The following CNTNAP5 variants were observed in gnomAD, a reference collection of about 807,000 sequenced individuals.
CNTNAP5 encodes contactin associated protein family member 5.
Under a neutral mutation model 150.2 loss-of-function variants are expected in CNTNAP5, and 72 were observed. The ratio of observed to expected loss-of-function variants is 0.48; its 90% CI spans 0.40 to 0.58. The LOEUF (loss-of-function observed/expected upper bound fraction) is 0.58, where lower values mean the gene tolerates loss of function less well. Ranked by LOEUF, CNTNAP5 falls within the 20% of genes least tolerant of loss-of-function variation. The pLI, the probability that CNTNAP5 is intolerant of heterozygous loss-of-function variation, is 0.00. For synonymous variants in CNTNAP5, 672 were observed against 619.8 expected (o/e 1.08, Z -1.25); for missense variants, 1,636 against 1,626.2 (o/e 1.01, Z -0.10).
At chr2:124,059,116 C>A (rs997555539) in intron 1 of CNTNAP5, among the ~76,000 whole-genome samples, 1 of 151,960 alleles carries the variant, frequency 6.6e-6, no homozygotes, top group Non-Finnish European at 1.5e-5. Context: ...TATTTTAAGT[C>A]CTAGACGTAA....
chr2:124,341,100 T>TA (rs1022451337), intron 3 of CNTNAP5, among the ~76,000 whole-genome samples: 1 of 151,268 alleles, frequency 6.6e-6, no homozygotes, highest in African/African-American at 2.4e-5. Context: ...AAAGAATCCA[T>TA]AAAAAGTCTG....
At chr2:124,556,977 C>A in intron 10 of CNTNAP5, among the ~76,000 whole-genome samples, 1 of 150,286 alleles carries the variant, frequency 6.7e-6, no homozygotes. Flanking sequence ...AAGATTTTAT[C>A]AGGAATGCTA....
At chr2:124,876,523 G>A (rs1677864302) in intron 21 of CNTNAP5, among the ~76,000 whole-genome samples, 1 of 151,830 alleles carries the variant, frequency 6.6e-6, no homozygotes, top group Admixed American at 6.6e-5. Flanking sequence ...TTTGGGGAAA[G>A]GATTGTGCCG....
chr2:124,708,437 G>C (rs17393237), intron 13 of CNTNAP5, among the ~76,000 whole-genome samples: 24,744 of 152,182 alleles, frequency 0.16, 2,286 homozygotes, highest in East Asian at 0.24. Flanking sequence ...TGATCTCGCT[G>C]TCATCTCCAT....
intron 2 of CNTNAP5, among the ~76,000 whole-genome samples, chr2:124,232,083 A>G (rs1035005777): frequency 2.6e-5 from 4 of 152,252 alleles, no homozygotes; most frequent in Admixed American, 6.5e-5. Flanking sequence ...CATGAAATGC[A>G]GTAAACCATC....
At chr2:124,873,755 T>C (rs1007257857) in intron 21 of CNTNAP5, among the ~76,000 whole-genome samples, 9 of 152,116 alleles carry the variant, frequency 5.9e-5, no homozygotes, top group Admixed American at 5.2e-4. Flanking sequence ...TTCACAATTT[T>C]AGAAAAGATT....
intron 1 of CNTNAP5, among the ~76,000 whole-genome samples, chr2:124,171,936 A>G (rs551968108): frequency 7.7e-4 from 118 of 152,318 alleles, no homozygotes; most frequent in Non-Finnish European, 1.1e-3. Context: ...AAGGCTGGCC[A>G]TAGGACCTAC....
chr2:124,259,438 C>G lies in CNTNAP5; in HGVS notation c.381+17045C>G, dbSNP rs1687397219. Among the ~76,000 whole-genome samples the G allele has an allele frequency of 6.6e-5, 10 of 152,172 alleles. No homozygotes were observed. The South Asian group carries it at 1.9e-3, about 28-fold the overall frequency. On this transcript the variant is annotated intron_variant, in intron 3 of 23. Coordinates refer to ENST00000682447, the MANE Select transcript of CNTNAP5 (RefSeq NM_001367498.1). The stretch of plus-strand genomic sequence containing the variant: ...GATCCCTGGGGAATTGCCACACTGA[C>G]TTCCACAATGGTTGAAGTAGTTTAC...
intron 19 of CNTNAP5, among the ~76,000 whole-genome samples, chr2:124,853,451 G>A (rs1677271367): frequency 6.6e-6 from 1 of 152,112 alleles, no homozygotes; most frequent in Non-Finnish European, 1.5e-5. Flanking sequence ...AAAATGATGA[G>A]GTTGGTTGTG....
At chr2:124,194,248 G>A (rs1427104833) in intron 1 of CNTNAP5, among the ~76,000 whole-genome samples, 1 of 151,284 alleles carries the variant, frequency 6.6e-6, no homozygotes, top group East Asian at 1.9e-4. Context: ...CTCCCCAAAT[G>A]ACTTGGCTAT....
intron 19 of CNTNAP5, among the ~76,000 whole-genome samples, chr2:124,840,585 T>C (rs1320316026): frequency 6.6e-6 from 1 of 152,050 alleles, no homozygotes; most frequent in Non-Finnish European, 1.5e-5. Flanking sequence ...ACAGGTGGAC[T>C]CAGAGGCAGA....
At chr2:124,811,696 C>T (rs1029594187) in intron 19 of CNTNAP5, among the ~76,000 whole-genome samples, 2 of 72,282 alleles carry the variant, frequency 2.8e-5, no homozygotes, top group Non-Finnish European at 5.1e-5. Flanking sequence ...AATCCCATCA[C>T]TTTAGGAGGC....
intron 1 of CNTNAP5, among the ~76,000 whole-genome samples, chr2:124,180,730 A>G (rs866394114): frequency 6.6e-6 from 1 of 152,222 alleles, no homozygotes; most frequent in Non-Finnish European, 1.5e-5. Flanking sequence ...ATAGTTAGGA[A>G]ATCTTTCCAC....
chr2:124,791,496 C>A (rs1346369238), intron 18 of CNTNAP5, among the ~76,000 whole-genome samples: 1 of 152,084 alleles, frequency 6.6e-6, no homozygotes, highest in Non-Finnish European at 1.5e-5. Context: ...TCCCTTTGAG[C>A]CATCCCACAT....
At chr2:124,783,554 T>C (rs1681499156) in intron 17 of CNTNAP5, among the ~76,000 whole-genome samples, 1 of 152,168 alleles carries the variant, frequency 6.6e-6, no homozygotes, top group African/African-American at 2.4e-5. Flanking sequence ...ATTGATGAAT[T>C]ATTATTCACA....
chr2:124,056,604 C>A (rs1431428247), intron 1 of CNTNAP5, among the ~76,000 whole-genome samples: 1 of 152,162 alleles, frequency 6.6e-6, no homozygotes, highest in Non-Finnish European at 1.5e-5. Context: ...CGAGATCATG[C>A]CACTGCACTC....
chr2:124,131,945 G>A (rs1459106591), intron 1 of CNTNAP5, among the ~76,000 whole-genome samples: 2 of 152,116 alleles, frequency 1.3e-5, no homozygotes, highest in Non-Finnish European at 2.9e-5. Flanking sequence ...GTGAAGAGTG[G>A]ATGAAAACCA....
At chr2:124,290,643 C>A (rs147364639) in intron 3 of CNTNAP5, among the ~76,000 whole-genome samples, 91 of 152,222 alleles carry the variant, frequency 6.0e-4, no homozygotes, top group Admixed American at 1.3e-3. Context: ...GTTACTTGAC[C>A]TCTCTCTACT....
At chr2:124,282,776 C>T (rs577035474) in intron 3 of CNTNAP5, among the ~76,000 whole-genome samples, 39 of 152,166 alleles carry the variant, frequency 2.6e-4, no homozygotes, top group Middle Eastern at 3.4e-3. Context: ...TCTGAAAGAA[C>T]AGTTTTTCTA....
Sources: allele counts gnomAD v4.1 joint callset (sites outside exome capture counted in the v4.1 genomes callset), GRCh38; gene constraint gnomAD v4.1.1; transcripts MANE v1.5; gene names NCBI Gene and HGNC (gene_info 2026-07-23, HGNC 2026-07-21).